The following PTPRD variants were observed in gnomAD, a reference collection of about 807,000 sequenced individuals.
PTPRD encodes the protein receptor-type tyrosine-protein phosphatase delta.
Under a neutral mutation model 214.5 loss-of-function variants are expected in PTPRD, and 34 were observed. That is an observed-to-expected ratio of 0.16 (90% CI 0.12 to 0.21). The LOEUF (loss-of-function observed/expected upper bound fraction) is 0.21, where lower values mean the gene tolerates loss of function less well. Among genes scored for constraint, PTPRD ranks in the 10% least tolerant of loss-of-function variants. The pLI, the probability that PTPRD is intolerant of heterozygous loss-of-function variation, is 1.00. For synonymous variants in PTPRD, 1,128 were observed against 845.7 expected (o/e 1.33, Z -5.79); for missense variants, 2,545 against 2,398.7 (o/e 1.06, Z -1.27).
At chr9:8,938,415 A>G (rs2099011421) in intron 11 of PTPRD, among the ~76,000 whole-genome samples, 1 of 152,214 alleles carries the variant, frequency 6.6e-6, no homozygotes, top group African/African-American at 2.4e-5. Flanking sequence ...ATATAATCAC[A>G]TAATAAATAT....
At position 10,408,673 on chromosome 9, in the gene PTPRD, G is replaced by A. The variant is rs142744524; in HGVS notation, c.-599-67656C>T. The stretch of plus-strand genomic sequence containing the variant: ...TCCCATGAAGAAAAGTGGCAGGCAT[G>A]ACTCTTCTTTGCATGCTACTGGTAC... On this transcript the variant is annotated intron_variant, in intron 2 of 45. Coordinates refer to ENST00000381196, the MANE Select transcript of PTPRD (RefSeq NM_002839.4). Among the ~76,000 whole-genome samples, 63 of 151,746 alleles carry A rather than the reference G, an allele frequency of 4.2e-4. 1 individual carries two copies. In the East Asian group the frequency reaches 0.012, roughly 30 times the overall value.
At chr9:10,036,859 G>A (rs1016131699) in intron 3 of PTPRD, among the ~76,000 whole-genome samples, 1 of 149,290 alleles carries the variant, frequency 6.7e-6, no homozygotes, top group Non-Finnish European at 1.5e-5. Context: ...TGGGATTACA[G>A]GCCTGAGCCA....
At position 9,810,488 on chromosome 9, in the gene PTPRD, T is replaced by C. The variant is rs544154760; in HGVS notation, c.-367-43637A>G. ...TGAAAATCCTAGGGCCCTTAATAAT[T>C]ATGTTAAATCTACTCTGTCGGTGCT... On this transcript the variant is annotated intron_variant, in intron 5 of 45. Transcript: ENST00000381196. Among the ~76,000 whole-genome samples the C allele has an allele frequency of 3.9e-5, 6 of 152,194 alleles. No homozygotes were observed. In the South Asian group the frequency reaches 1.0e-3, roughly 26 times the overall value.
chr9:9,307,807 G>A (rs1328241364), intron 9 of PTPRD, among the ~76,000 whole-genome samples: 2 of 152,248 alleles, frequency 1.3e-5, no homozygotes, highest in African/African-American at 4.8e-5. Context: ...TAATTGACCA[G>A]TATCATCTTC....
At chr9:9,945,533 A>G (rs558545569) in intron 4 of PTPRD, among the ~76,000 whole-genome samples, 2 of 152,258 alleles carry the variant, frequency 1.3e-5, no homozygotes, top group African/African-American at 4.8e-5. Flanking sequence ...TGATTCAAAA[A>G]GAAGTGTTCT....
At chr9:9,527,671 T>C (rs934823012) in intron 8 of PTPRD, among the ~76,000 whole-genome samples, 2 of 152,176 alleles carry the variant, frequency 1.3e-5, no homozygotes, top group Non-Finnish European at 2.9e-5. Context: ...CATCTATCCT[T>C]AGTCATTTTT....
intron 2 of PTPRD, among the ~76,000 whole-genome samples, chr9:10,521,906 A>G (rs1025863861): frequency 2.0e-5 from 3 of 152,162 alleles, no homozygotes; most frequent in Non-Finnish European, 4.4e-5. Flanking sequence ...AATATGTACA[A>G]TGTGCTTTTT....
At chr9:8,897,977 A>G (rs1041759362) in intron 11 of PTPRD, among the ~76,000 whole-genome samples, 2 of 152,178 alleles carry the variant, frequency 1.3e-5, no homozygotes, top group African/African-American at 2.4e-5. Flanking sequence ...ATAATTAAAG[A>G]TTTGCATCAA....
intron 8 of PTPRD, among the ~76,000 whole-genome samples, chr9:9,523,322 A>G (rs962429681): frequency 2.6e-5 from 4 of 152,142 alleles, no homozygotes; most frequent in Admixed American, 6.6e-5. Flanking sequence ...TTACCACTAC[A>G]TATGAAAAAT....
At position 9,768,352 on chromosome 9, in the gene PTPRD, T is replaced by C. The variant is rs542869857; in HGVS notation, c.-367-1501A>G. ...TAATAAATGTTAGCTATTAAAACTA[T>C]TAACATTTGAAAAGTAAAATATTAA... On this transcript the variant is annotated intron_variant, in intron 5 of 45. Transcript: ENST00000381196. Among the ~76,000 whole-genome samples the C allele has an allele frequency of 2.0e-5, 3 of 152,288 alleles. No homozygotes were observed. The South Asian group carries it at 6.2e-4, about 32-fold the overall frequency.
chr9:9,233,115 T>G (rs933581514), intron 9 of PTPRD, among the ~76,000 whole-genome samples: 1 of 152,072 alleles, frequency 6.6e-6, no homozygotes, highest in African/African-American at 2.4e-5. Flanking sequence ...TATGAAGAAA[T>G]ACCAGAGACT....
intron 14 of PTPRD, among the ~76,000 whole-genome samples, chr9:8,609,584 C>G (rs1194033782): frequency 6.6e-6 from 1 of 151,946 alleles, no homozygotes; most frequent in African/African-American, 2.4e-5. Context: ...TACACAAAAA[C>G]CACAGAACAG....
chr9:9,967,810 T>C (rs2094813013), intron 4 of PTPRD, among the ~76,000 whole-genome samples: 1 of 152,162 alleles, frequency 6.6e-6, no homozygotes, highest in Non-Finnish European at 1.5e-5. Flanking sequence ...TCAAAGAGAA[T>C]TGTTAACTCA....
intron 33 of PTPRD, among the ~76,000 whole-genome samples, chr9:8,459,745 A>G (rs1306439206): frequency 1.3e-5 from 2 of 152,110 alleles, no homozygotes; most frequent in African/African-American, 4.8e-5. Context: ...AAATCAACAC[A>G]TGGGCATAAT....
chr9:9,088,331 T>G (rs1244065196), intron 10 of PTPRD, among the ~76,000 whole-genome samples: 1 of 151,596 alleles, frequency 6.6e-6, no homozygotes, highest in Non-Finnish European at 1.5e-5. Flanking sequence ...CTCACGCCTG[T>G]GGTCCCAGCA....
rs1384289743 is a variant in PTPRD at position 10,498,862 on chromosome 9, C to T, written c.-600+113536G>A. ...TCCCGGCTAAAAAACGGTGAAACCC[C>T]GTCTCTACTAAAAATACAAAAAATT... On this transcript the variant is annotated intron_variant, in intron 2 of 45. Transcript: ENST00000381196. 3.4e-4 allele frequency among the ~76,000 whole-genome samples: 2 copies of T among 5,830 alleles called. 1 individual carries two copies. The highest frequency in any genetic ancestry group is 3.6e-4 in the African/African-American group (2 of 5,512). The allele number at this position is 5,830 out of a possible 152,430, so 3.8% of individuals were successfully genotyped here.
intron 9 of PTPRD, among the ~76,000 whole-genome samples, chr9:9,362,158 G>A (rs73393074): frequency 0.027 from 4,108 of 150,950 alleles, 206 homozygotes; most frequent in African/African-American, 0.094. Context: ...ACACAGGGAG[G>A]GCATCGCAAG....
chr9:10,326,495 A>G (rs1188779138), intron 3 of PTPRD, among the ~76,000 whole-genome samples: 1 of 151,672 alleles, frequency 6.6e-6, no homozygotes, highest in African/African-American at 2.4e-5. Context: ...CAAAAAGTTG[A>G]ATATTTATTT....
At chr9:8,855,368 C>G (rs1053158710) in intron 11 of PTPRD, among the ~76,000 whole-genome samples, 7 of 152,124 alleles carry the variant, frequency 4.6e-5, no homozygotes, top group African/African-American at 1.7e-4. Context: ...CTATGGTTAT[C>G]TACTCTAACG....
Sources: allele counts gnomAD v4.1 joint callset (sites outside exome capture counted in the v4.1 genomes callset), GRCh38; gene constraint gnomAD v4.1.1; transcripts MANE v1.5; gene names NCBI Gene and HGNC (gene_info 2026-07-23, HGNC 2026-07-21).